The following DNER variants were observed in gnomAD, a reference collection of about 807,000 sequenced individuals.
The protein encoded by DNER is delta/notch like EGF repeat containing.
A neutral mutation model predicts 78.2 loss-of-function variants in DNER; 33 were observed. That is an observed-to-expected ratio of 0.42 (90% confidence interval 0.32 to 0.56). The LOEUF is 0.56. Among genes scored for constraint, DNER ranks in the 20% least tolerant of loss-of-function variants. DNER has a pLI of 0.11. For synonymous variants in DNER, 417 were observed against 384.8 expected (o/e 1.08, Z -0.98); for missense variants, 918 against 975.3 (o/e 0.94, Z 0.78).
At chr2:229,691,735 T>A (rs1176273053) in intron 1 of DNER, among the ~76,000 whole-genome samples, 1 of 151,400 alleles carries the variant, frequency 6.6e-6, no homozygotes, top group East Asian at 1.9e-4. Context: ...AAACAATTGG[T>A]TAAAAAAAAA....
chr2:229,391,959 T>C (rs1440216578), intron 10 of DNER, among the ~76,000 whole-genome samples: 1 of 152,174 alleles, frequency 6.6e-6, no homozygotes, highest in Non-Finnish European at 1.5e-5. Context: ...TTTCCTTGGG[T>C]AAATTAAGAA....
intron 1 of DNER, among the ~76,000 whole-genome samples, chr2:229,693,995 T>C (rs1699624768): frequency 6.6e-6 from 1 of 152,224 alleles, no homozygotes; most frequent in Admixed American, 6.5e-5. Flanking sequence ...AATGGTTTTG[T>C]GGGCCAGATC....
intron 1 of DNER, among the ~76,000 whole-genome samples, chr2:229,690,823 T>G (rs955808702): frequency 6.6e-6 from 1 of 152,186 alleles, no homozygotes; most frequent in Non-Finnish European, 1.5e-5. Context: ...GGGGTTTGTG[T>G]TTGTGTGTAT....
intron 5 of DNER, among the ~76,000 whole-genome samples, chr2:229,536,500 C>T (rs1328817563): frequency 6.6e-6 from 1 of 152,188 alleles, no homozygotes; most frequent in Non-Finnish European, 1.5e-5. Context: ...GCAGCAGCCC[C>T]ATATGGGTGC....
At chr2:229,517,109 C>CAAAAAA in intron 5 of DNER, among the ~76,000 whole-genome samples, 1 of 57,876 alleles carries the variant, frequency 1.7e-5, no homozygotes, top group Non-Finnish European at 4.0e-5. Flanking sequence ...GACTCCGTCT[C>CAAAAAA]AAAAAAAAAA....
At chr2:229,564,280 C>A (rs2154213822) in intron 4 of DNER, among the ~76,000 whole-genome samples, 1 of 145,608 alleles carries the variant, frequency 6.9e-6, no homozygotes. Flanking sequence ...TCCTCCTCAC[C>A]CCATCACCAT....
intron 5 of DNER, among the ~76,000 whole-genome samples, chr2:229,546,523 GC>G (rs1232090304): frequency 2.0e-5 from 3 of 152,326 alleles, no homozygotes; most frequent in African/African-American, 7.2e-5. Flanking sequence ...ATGGCTGGAG[GC>G]CAGGAGTTCC....
At chr2:229,395,515 AT>A (rs1693116425) in intron 10 of DNER, among the ~76,000 whole-genome samples, 1 of 152,164 alleles carries the variant, frequency 6.6e-6, no homozygotes, top group Non-Finnish European at 1.5e-5. Context: ...TCAGTGTAAA[AT>A]GGGATCCTTG....
At chr2:229,391,491 C>T (rs1415881676) in intron 10 of DNER, among the ~76,000 whole-genome samples, 3 of 152,106 alleles carry the variant, frequency 2.0e-5, no homozygotes, top group Non-Finnish European at 4.4e-5. Flanking sequence ...TTCTACTTGA[C>T]TAAGGCTAGC....
intron 1 of DNER, among the ~76,000 whole-genome samples, chr2:229,654,451 A>T (rs1037276549): frequency 6.6e-6 from 1 of 152,196 alleles, no homozygotes; most frequent in African/African-American, 2.4e-5. Context: ...AGATTCAGGG[A>T]AAGTATGTGG....
chr2:229,391,781 G>A (rs988060947), intron 10 of DNER, among the ~76,000 whole-genome samples: 1 of 152,086 alleles, frequency 6.6e-6, no homozygotes, highest in Admixed American at 6.5e-5. Context: ...GACCTCAGGT[G>A]ATCTGCCCAC....
intron 9 of DNER, among the ~76,000 whole-genome samples, chr2:229,413,770 T>C (rs1191482861): frequency 1.3e-5 from 2 of 150,394 alleles, no homozygotes; most frequent in East Asian, 3.9e-4. Context: ...CTCCTAAAAA[T>C]ATAAAAACTA....
intron 4 of DNER, among the ~76,000 whole-genome samples, chr2:229,575,403 T>C (rs1416179447): frequency 6.6e-6 from 1 of 152,234 alleles, no homozygotes; most frequent in Non-Finnish European, 1.5e-5. Context: ...CCCTTCCACA[T>C]GGACTCAGAC....
At chr2:229,574,142 C>T (rs998242449) in intron 4 of DNER, among the ~76,000 whole-genome samples, 1 of 152,040 alleles carries the variant, frequency 6.6e-6, no homozygotes, top group African/African-American at 2.4e-5. Context: ...CTGTCCTGAG[C>T]GAAAACTGGA....
chr2:229,628,114 A>C (rs1184649747), intron 1 of DNER, among the ~76,000 whole-genome samples: 1 of 152,162 alleles, frequency 6.6e-6, no homozygotes, highest in Admixed American at 6.5e-5. Context: ...CTTGGAAGAC[A>C]GCTACTGTGT....
chr2:229,419,377 CAA>C (rs1346982869), intron 8 of DNER, among the ~76,000 whole-genome samples: 2 of 152,074 alleles, frequency 1.3e-5, no homozygotes, highest in Non-Finnish European at 2.9e-5. Context: ...TGAGTGTTTT[CAA>C]AAGTCACACT....
chr2:229,506,524 T>C (rs1695749598), intron 6 of DNER, among the ~76,000 whole-genome samples: 1 of 151,550 alleles, frequency 6.6e-6, no homozygotes, highest in Admixed American at 6.6e-5. Flanking sequence ...TTTTTTTCTT[T>C]TTTTTTTTAT....
intron 5 of DNER, among the ~76,000 whole-genome samples, chr2:229,544,087 T>C (rs1696571430): frequency 6.6e-6 from 1 of 151,216 alleles, no homozygotes; most frequent in Non-Finnish European, 1.5e-5. Flanking sequence ...AGAAAAAAAA[T>C]ATGTTCTCCT....
intron 8 of DNER, among the ~76,000 whole-genome samples, chr2:229,430,538 T>C (rs1254087935): frequency 6.6e-6 from 1 of 152,148 alleles, no homozygotes; most frequent in Non-Finnish European, 1.5e-5. Flanking sequence ...CCTCCCAGCC[T>C]ACATCTTTCT....
Sources: gnomAD v4.1 joint callset for allele counts (sites outside exome capture counted in the v4.1 genomes callset) on GRCh38, gnomAD v4.1.1 for gene constraint, MANE v1.5 for transcripts, NCBI Gene and HGNC (gene_info 2026-07-23, HGNC 2026-07-21) for gene names.